Variants in MED12 observed in about 807,000 individuals in gnomAD.
The protein encoded by MED12 is mediator complex subunit 12.
In MED12, 10 loss-of-function variants were observed where a neutral mutation model predicts 177.7. That is an observed-to-expected ratio of 0.06 (90% CI 0.03 to 0.10). MED12 has a LOEUF of 0.10. Ranked by LOEUF, MED12 falls within the 10% of genes least tolerant of loss-of-function variation. The pLI is 1.00. For synonymous variants in MED12, 641 were observed against 678.4 expected (o/e 0.94, Z 0.86); for missense variants, 867 against 1,780.8 (o/e 0.49, Z 9.23).
intron 19 of MED12, 126 bp downstream of exon 19, chrX:71,126,610 T>A: frequency 1.2e-6 from 1 of 850,347 alleles, no homozygotes; most frequent in Non-Finnish European, 1.7e-6. Flanking sequence ...GCAGAAAGAC[T>A]AGCATGGGGG....
Position 71,124,757 on chromosome X carries a change from C to T in MED12, c.1975-7C>T, listed in dbSNP as rs762265257. 3.1e-5 allele frequency: 37 copies of T among 1,201,559 alleles called. No individual in the cohort carries two copies. Among genetic ancestry groups the T allele is most frequent in the Non-Finnish European group, 3.4e-5 (30 of 888,108 alleles). ...AAAGCAACTTCGCTTATGTTCTATG[C>T]CCTCAGGATCCAGGGCTCTCAGAAT... On this transcript the variant is annotated splice_region_variant and splice_polypyrimidine_tract_variant and intron_variant, in intron 13 of 44. Transcript: ENST00000374080.
At chrX:71,121,185 G>C (rs1323932935) in intron 5 of MED12, 33 bp downstream of exon 5, 1 of 1,208,398 alleles carries the variant, frequency 8.3e-7, no homozygotes, top group Non-Finnish European at 1.1e-6. Flanking sequence ...TGGGGCATTG[G>C]GTTGAGCTTG....
At chrX:71,119,626 A>G (rs904598675) in intron 2 of MED12, 60 bp from the exon 3 acceptor site, 172 of 1,164,894 alleles carry the variant, frequency 1.5e-4, no homozygotes, top group Non-Finnish European at 1.9e-4. Flanking sequence ...TGCCCAGCAA[A>G]AGGCAGGACC....
chrX:71,131,614 C>T lies in MED12; in HGVS notation c.4112C>T (p.Pro1371Leu). The part of the protein sequence containing the change: ...LELQLMIKQT[P>L]NNEMNSLLEN... ...CTGCAGCTCATGATCAAGCAGACCC[C>T]TAACAATGTGAGTAGTGCCTGGACC... The change falls in exon 29 of 45, where the codon CCT (proline) becomes CTT (leucine). Residue 1371 changes from proline (P) to leucine (L), a missense_variant. By Grantham distance (98) the Pro-to-Leu change is moderately conservative. This residue lies in a region of MED12 where 46 missense variants were observed against 71.7 expected (regional missense o/e 0.64). Coordinates refer to ENST00000374080, the MANE Select transcript of MED12 (RefSeq NM_005120.3). The T allele has an allele frequency of 8.3e-7, 1 of 1,210,811 alleles. No homozygotes were observed. The highest frequency in any genetic ancestry group is 1.1e-6 in the Non-Finnish European group (1 of 894,868).
chrX:71,139,450 G>C (rs1471451416), intron 41 of MED12, among the ~76,000 whole-genome samples: 1 of 111,061 alleles, frequency 9.0e-6, no homozygotes, highest in Non-Finnish European at 1.9e-5. Context: ...TAGGCTAGGA[G>C]GGGGCAGGCT....
In MED12 at chrX:71,124,774, T is replaced by C; in HGVS notation, c.1985T>C (p.Leu662Pro). The change falls in exon 14 of 45, where the codon CTC becomes CCC. Residue 662 changes from leucine (L) to proline (P), a missense_variant. Leu to Pro is a moderately conservative substitution (Grantham distance 98). Transcript: ENST00000374080. ...GTTCTATGCCCTCAGGATCCAGGGC[T>C]CTCAGAATCTATGGACATTGACCCT... ...SSSSKLEDPG[L>P]SESMDIDPSS... 1 of 1,209,496 alleles carries C rather than the reference T, an allele frequency of 8.3e-7. No individual in the cohort carries two copies. Among genetic ancestry groups the C allele is most frequent in the Non-Finnish European group, 1.1e-6 (1 of 893,644 alleles).
In MED12 at chrX:71,129,321, C is replaced by T. The variant is rs2147805439; in HGVS notation, c.3583C>T (p.Pro1195Ser). 1.7e-6 allele frequency: 2 copies of T among 1,202,556 alleles called. No homozygotes were observed. Among genetic ancestry groups the T allele is most frequent in the Non-Finnish European group, 2.3e-6 (2 of 887,015 alleles). The change falls in exon 26 of 45, where the codon CCT (proline) becomes TCT (serine). Residue 1195 changes from proline to serine, a missense_variant. Physicochemically the swap from Pro to Ser is moderately conservative, Grantham distance 74. Coordinates refer to ENST00000374080, the MANE Select transcript of MED12 (RefSeq NM_005120.3). Reference sequence around the variant, plus strand: ...GACTTCATCGCCTTCCCCAGACAAGCCTACAGTAGGAATCCGCTCCTCCTG... The same window carrying T: ...GACTTCATCGCCTTCCCCAGACAAGTCTACAGTAGGAATCCGCTCCTCCTG... ...LNPCQSDGNK[P>S]TVGIRSSCDR...
At chrX:71,119,645 GC>G in intron 2 of MED12, 40 bp from the exon 3 acceptor site, 1 of 1,189,728 alleles carries the variant, frequency 8.4e-7, no homozygotes, top group Non-Finnish European at 1.1e-6. Context: ...CCACCTGTCT[GC>G]CCCTTCTTCC....
rs1195049407 is a variant in MED12 at position 71,136,377 on chromosome X, G to A, written c.5122G>A (p.Val1708Ile). ...APLSWGWFGT[V>I]RVDRRVARGE... ...ACTCTCTTGGGGCTGGTTTGGAACA[G>A]TCCGAGTGGACCGGCGAGTGGCTCG... The change falls in exon 37 of 45, where the codon GTC (valine) becomes ATC (isoleucine). Residue 1708 changes from valine to isoleucine, a missense_variant. This residue lies in a region of MED12 where 36 missense variants were observed against 141.5 expected (regional missense o/e 0.25). Transcript: ENST00000374080. 1 of 1,211,659 alleles carries A rather than the reference G, an allele frequency of 8.3e-7. No homozygotes were observed. Among genetic ancestry groups the A allele is most frequent in the South Asian group, 1.8e-5 (1 of 56,994 alleles).
At chrX:71,120,895 A>C in intron 4 of MED12, 76 bp from the exon 5 acceptor site, 2 of 1,154,499 alleles carry the variant, frequency 1.7e-6, no homozygotes, top group South Asian at 3.6e-5. Flanking sequence ...GGCATGAGCC[A>C]CCGCACCCAG....
chrX:71,141,478 G>T, intron 43 of MED12, 108 bp downstream of exon 43: 1 of 1,017,829 alleles, frequency 9.8e-7, no homozygotes, highest in Non-Finnish European at 1.3e-6. Flanking sequence ...GTGGGAGGCA[G>T]GGCATGGCAC....
chrX:71,124,465 C>A, intron 13 of MED12, 77 bp downstream of exon 13: 1 of 814,562 alleles, frequency 1.2e-6, no homozygotes, highest in Non-Finnish European at 1.8e-6. Context: ...CCTCTAAGAG[C>A]CTCTTTTGCC....
In MED12 at chrX:71,119,790, G is replaced by C; in HGVS notation, c.309G>C (p.Trp103Cys). The change falls in exon 3 of 45, where the codon TGG becomes TGC. Residue 103 changes from tryptophan to cysteine, a missense_variant. Trp to Cys is a radical substitution (Grantham distance 215). Coordinates refer to ENST00000374080, the MANE Select transcript of MED12 (RefSeq NM_005120.3). ...KPQVNQKDNF[W>C]LVTARSQSAI... Reference sequence around the variant, plus strand: ...AAGTGAACCAGAAGGATAACTTCTGGCTGGTGACTGCACGATCCCAGAGTG... The same window carrying C: ...AAGTGAACCAGAAGGATAACTTCTGCCTGGTGACTGCACGATCCCAGAGTG... 1 of 1,210,986 alleles carries C rather than the reference G, an allele frequency of 8.3e-7. No individual in the cohort carries two copies. Among genetic ancestry groups the C allele is most frequent in the Non-Finnish European group, 1.1e-6 (1 of 895,174 alleles).
In MED12 at chrX:71,126,069, G is replaced by A. The variant is rs1192740859; in HGVS notation, c.2456G>A (p.Arg819Gln). The A allele has an allele frequency of 9.1e-6, 11 of 1,210,803 alleles. No individual in the cohort carries two copies. Among genetic ancestry groups the A allele is most frequent in the Non-Finnish European group, 1.2e-5 (11 of 894,795 alleles). Residue 819 changes from arginine (R) to glutamine (Q), a missense_variant, in exon 18 of 45, where the codon CGG becomes CAG. By Grantham distance (43) the Arg-to-Gln change is conservative (BLOSUM62 1). Transcript: ENST00000374080. ...GATGGGCAGAAGCGGCGACGCAACC[G>A]GCCTGAAGCCTTCCCCACTGCTGAA... is the stretch of plus-strand genomic sequence containing the variant. ...GEDGQKRRRNRPEAFPTAEDI... is the reference protein window; with the variant it reads ...GEDGQKRRRNQPEAFPTAEDI...
In MED12 at chrX:71,137,226, C is replaced by T; in HGVS notation, c.5591C>T (p.Pro1864Leu). The stretch of plus-strand genomic sequence containing the variant: ...GACCCATACCGTCCTGTGCGCTTAC[C>T]AATGCAGAAGCTGCCCACCCGACCA... ...RVDPYRPVRLPMQKLPTRPTY... is the reference protein window; with the variant it reads ...RVDPYRPVRLLMQKLPTRPTY... The change falls in exon 39 of 45, where the codon CCA becomes CTA. Residue 1864 changes from proline (P) to leucine (L), a missense_variant. Physicochemically the swap from Pro to Leu is moderately conservative, Grantham distance 98. Around this residue, in one of 14 missense-constraint regions of MED12, gnomAD observed 236 missense variants for 345.2 expected, o/e 0.68. Transcript: ENST00000374080. 3 of 1,212,042 alleles carry T rather than the reference C, an allele frequency of 2.5e-6. No homozygotes were observed. The highest frequency in any genetic ancestry group is 3.3e-6 in the Non-Finnish European group (3 of 895,548).
Position 71,126,457 on chromosome X carries a change from C to G in MED12, c.2658C>G (p.Ile886Met). Residue 886 changes from isoleucine to methionine, a missense_variant, in exon 19 of 45, where the codon ATC becomes ATG. Ile to Met is a conservative substitution (Grantham distance 10). Transcript: ENST00000374080. ...ACCTCATGGAATATTCACTCAGCAT[C>G]AGTGGCCTCATCGACTTTGCCATTC... ...IFDLMEYSLS[I>M]SGLIDFAIQL... 1 of 1,212,060 alleles carries G rather than the reference C, an allele frequency of 8.3e-7. No homozygotes were observed.
In MED12 at chrX:71,124,338, G is replaced by A. The variant is rs1556335288; in HGVS notation, c.1924G>A (p.Asp642Asn). 3.3e-6 allele frequency: 4 copies of A among 1,209,875 alleles called. No individual in the cohort carries two copies. Among genetic ancestry groups the A allele is most frequent in the Non-Finnish European group, 4.5e-6 (4 of 894,500 alleles). The part of the protein sequence containing the change: ...RPPSPFDDPA[D>N]DPEHKEAEGS... ...TCCCTCTCCCTTTGATGATCCTGCC[G>A]ATGACCCAGAGCACAAGGAGGCTGA... Residue 642 changes from aspartate to asparagine, a missense_variant, in exon 13 of 45, where the codon GAT becomes AAT. Coordinates refer to ENST00000374080, the MANE Select transcript of MED12 (RefSeq NM_005120.3).
At chrX:71,139,728 G>A (rs956696320) in intron 41 of MED12, among the ~76,000 whole-genome samples, 5 of 110,579 alleles carry the variant, frequency 4.5e-5, no homozygotes, top group African/African-American at 1.6e-4. Flanking sequence ...GTGAAATCCC[G>A]TCTCTACTAA....
At chrX:71,124,705 A>G in intron 13 of MED12, 59 bp from the exon 14 acceptor site, 1 of 942,075 alleles carries the variant, frequency 1.1e-6, no homozygotes, top group Non-Finnish European at 1.5e-6. Flanking sequence ...GAAGTTTTAC[A>G]GATGGTGGGA....
Sources: gnomAD v4.1 joint callset for allele counts (sites outside exome capture counted in the v4.1 genomes callset) on GRCh38, gnomAD v4.1.1 for gene constraint, gnomAD v4.1.1 regional missense constraint, MANE v1.5 for transcripts, NCBI Gene and HGNC (gene_info 2026-07-23, HGNC 2026-07-21) for gene names.